ABHD17B: variants seen among roughly 807,000 people sequenced by gnomAD.
ABHD17B encodes alpha/beta hydrolase domain-containing protein 17B.
Under a neutral mutation model 26.2 loss-of-function variants are expected in ABHD17B, and 9 were observed. The observed-to-expected ratio is 0.34, with a 90% CI of 0.21 to 0.60. The LOEUF (loss-of-function observed/expected upper bound fraction) is 0.60, where lower values mean the gene tolerates loss of function less well. Ranked by LOEUF, ABHD17B falls within the 20% of genes least tolerant of loss-of-function variation. ABHD17B has a pLI of 0.80. For missense variants in ABHD17B, 224 were observed against 352.1 expected (o/e 0.64, Z 2.91); for synonymous variants, 127 against 122.3 (o/e 1.04, Z -0.25).
chr9:71,886,274 A>C (rs1402078675), intron 1 of ABHD17B, among the ~76,000 whole-genome samples: 1 of 152,142 alleles, frequency 6.6e-6, no homozygotes, highest in Non-Finnish European at 1.5e-5. Flanking sequence ...AAAGAAGATG[A>C]AGCATCCAAA....
intron 2 of ABHD17B, among the ~76,000 whole-genome samples, chr9:71,873,241 G>A (rs938638512): frequency 1.4e-4 from 21 of 151,620 alleles, no homozygotes; most frequent in Non-Finnish European, 1.5e-5. Flanking sequence ...ATACACTGAA[G>A]TCTACCAAAT....
At chr9:71,896,159 T>TA (rs1826946282) in intron 1 of ABHD17B, among the ~76,000 whole-genome samples, 1 of 152,194 alleles carries the variant, frequency 6.6e-6, no homozygotes, top group African/African-American at 2.4e-5. Flanking sequence ...AGACATTTGT[T>TA]ACAAAATAAA....
At chr9:71,890,107 AAAATAAAT>A (rs10529849) in intron 1 of ABHD17B, among the ~76,000 whole-genome samples, 59 of 150,924 alleles carry the variant, frequency 3.9e-4, no homozygotes, top group South Asian at 8.3e-4. Context: ...ACTAAAAATA[AAAATAAAT>A]AAATAAATAA....
At position 71,891,563 on chromosome 9, in the gene ABHD17B, A is replaced by G. The variant is rs770848279; in HGVS notation, c.-3-16480T>C. ...TGGAATGCTTCTTTCTTGACTGTTC[A>G]TATTTCTAAGCAAAGAACTAAATTG... On this transcript the variant is annotated intron_variant, in intron 1 of 3. Coordinates refer to ENST00000333421, the MANE Select transcript of ABHD17B (RefSeq NM_001025780.3). 6.6e-5 allele frequency among the ~76,000 whole-genome samples: 10 copies of G among 152,286 alleles called. No individual in the cohort carries two copies. In the South Asian group the frequency reaches 1.2e-3, roughly 19 times the overall value.
At chr9:71,869,980 A>ATG (rs1402828966) in intron 3 of ABHD17B, 103 bp downstream of exon 3, 10 of 1,069,904 alleles carry the variant, frequency 9.3e-6, no homozygotes, top group Non-Finnish European at 1.2e-5. Context: ...TAATATATAT[A>ATG]AAATGAAGTT....
intron 1 of ABHD17B, 65 bp from the exon 2 acceptor site, chr9:71,875,148 T>C: frequency 7.9e-7 from 1 of 1,265,840 alleles, no homozygotes; most frequent in Non-Finnish European, 1.1e-6. Context: ...AATAAAAAGT[T>C]AAAACACAGA....
chr9:71,901,541 C>T (rs539146182), intron 1 of ABHD17B, among the ~76,000 whole-genome samples: 68 of 152,096 alleles, frequency 4.5e-4, no homozygotes, highest in African/African-American at 1.6e-3. Flanking sequence ...ATAGATTGGT[C>T]TTTTGTTTTC....
rs563292978 is a variant in ABHD17B, at chr9:71,903,811, C to G, written c.-4+6823G>C. On this transcript the variant is annotated intron_variant, in intron 1 of 3. Transcript: ENST00000333421. ...AGATAATTATAGACCGTAATAAATGCTATGAAAATAAAGTACAGAGTGCTA... is the reference window on the plus strand; with the variant it reads ...AGATAATTATAGACCGTAATAAATGGTATGAAAATAAAGTACAGAGTGCTA... Among the ~76,000 whole-genome samples the G allele has an allele frequency of 7.9e-5, 12 of 152,186 alleles. 1 individual carries two copies. The South Asian group carries it at 2.5e-3, about 32-fold the overall frequency.
chr9:71,884,423 A>G (rs1826544017), intron 1 of ABHD17B, among the ~76,000 whole-genome samples: 1 of 152,208 alleles, frequency 6.6e-6, no homozygotes, highest in Non-Finnish European at 1.5e-5. Context: ...CAGATAATAG[A>G]AAATTAACAC....
At chr9:71,885,592 AAAT>A (rs1826584560) in intron 1 of ABHD17B, among the ~76,000 whole-genome samples, 2 of 152,152 alleles carry the variant, frequency 1.3e-5, no homozygotes, top group South Asian at 4.1e-4. Context: ...AAATTGTATG[AAAT>A]AATAATTTAA....
downstream of ABHD17B, among the ~76,000 whole-genome samples, chr9:71,862,783 AT>A (rs1473113744): frequency 5.3e-5 from 8 of 152,160 alleles, no homozygotes; most frequent in Non-Finnish European, 1.0e-4. Context: ...TCTAAAATTC[AT>A]TTTATAATTA....
intron 1 of ABHD17B, among the ~76,000 whole-genome samples, chr9:71,891,384 ATT>A (rs1196706777): frequency 6.6e-6 from 1 of 152,070 alleles, no homozygotes; most frequent in African/African-American, 2.4e-5. Flanking sequence ...AGCTCAGATA[ATT>A]TTTCTTCTAT....
Position 71,865,648 on chromosome 9 carries a change from G to T in ABHD17B, c.*1139C>A. ...TGGGAGGCCAAGGGCAGATCATGAG[G>T]TCAGGAGTTCAAGACCAGCCTGATC... On this transcript the variant is annotated 3_prime_UTR_variant, in exon 4 of 4. Coordinates refer to ENST00000333421, the MANE Select transcript of ABHD17B (RefSeq NM_001025780.3). 1 of 863,648 alleles carries T rather than the reference G, an allele frequency of 1.2e-6. No homozygotes were observed. 53.5% of individuals were successfully genotyped at this position (863,648 alleles called of 1,614,324 possible).
intron 1 of ABHD17B, among the ~76,000 whole-genome samples, chr9:71,889,947 C>T (rs1219730955): frequency 6.6e-6 from 1 of 151,818 alleles, no homozygotes; most frequent in Non-Finnish European, 1.5e-5. Context: ...TATTTCTTAT[C>T]ACAGTGTAGC....
intron 1 of ABHD17B, among the ~76,000 whole-genome samples, chr9:71,897,957 C>A (rs1202334027): frequency 6.6e-6 from 1 of 152,122 alleles, no homozygotes; most frequent in South Asian, 2.1e-4. Context: ...CATTTCACCA[C>A]CTTCTTCAAA....
chr9:71,872,869 T>A (rs982517064), intron 2 of ABHD17B, among the ~76,000 whole-genome samples: 44 of 152,182 alleles, frequency 2.9e-4, no homozygotes, highest in African/African-American at 1.0e-3. Flanking sequence ...CTTGCCATCT[T>A]TTTTTCCTTA....
intron 1 of ABHD17B, among the ~76,000 whole-genome samples, chr9:71,884,546 C>T (rs1348901722): frequency 6.6e-6 from 1 of 150,376 alleles, no homozygotes; most frequent in African/African-American, 2.5e-5. Context: ...CAGACATAAA[C>T]ATTATCTTTG....
At position 71,866,717 on chromosome 9, in the gene ABHD17B, T is replaced by G; in HGVS notation, c.*70A>C. On this transcript the variant is annotated 3_prime_UTR_variant, in exon 4 of 4. Coordinates refer to ENST00000333421, the MANE Select transcript of ABHD17B (RefSeq NM_001025780.3). ...ATGATTTGCAAACAAAACCTTCAGG[T>G]TTTATGTTATTTACCAAAGAGTGCA... 6.3e-7 allele frequency: 1 copy of G among 1,575,430 alleles called. No individual in the cohort carries two copies. Among genetic ancestry groups the G allele is most frequent in the Non-Finnish European group, 8.6e-7 (1 of 1,160,784 alleles).
chr9:71,886,207 G>C (rs1826603396), intron 1 of ABHD17B, among the ~76,000 whole-genome samples: 1 of 152,104 alleles, frequency 6.6e-6, no homozygotes, highest in Non-Finnish European at 1.5e-5. Flanking sequence ...ATGGTTTTTA[G>C]AAAGCCATAC....
Sources: allele counts gnomAD v4.1 joint callset (sites outside exome capture counted in the v4.1 genomes callset), GRCh38; gene constraint gnomAD v4.1.1; transcripts MANE v1.5; gene names NCBI Gene and HGNC (gene_info 2026-07-23, HGNC 2026-07-21).